Variants in USP47 observed in about 807,000 individuals in gnomAD.
USP47 encodes ubiquitin carboxyl-terminal hydrolase 47.
A neutral mutation model predicts 165.1 loss-of-function variants in USP47; 35 were observed. That is an observed-to-expected ratio of 0.21 (90% CI 0.16 to 0.28). USP47 has a LOEUF of 0.28. Among genes scored for constraint, USP47 ranks in the 10% least tolerant of loss-of-function variants. USP47 has a pLI of 1.00. For synonymous variants in USP47, 531 were observed against 544.5 expected, an observed-to-expected ratio of 0.98 and a Z score of 0.35; for missense variants, 1,277 against 1,607.4, an observed-to-expected ratio of 0.79 and a Z score of 3.52.
chr11:11,854,571 C>T (rs780126456), intron 1 of USP47, among the ~76,000 whole-genome samples: 3 of 147,372 alleles, frequency 2.0e-5, no homozygotes, highest in Non-Finnish European at 4.6e-5. Context: ...TCTATATCCT[C>T]CCCCAGGGGC....
chr11:11,871,494 T>C (rs1378129268), intron 1 of USP47, among the ~76,000 whole-genome samples: 6 of 73,914 alleles, frequency 8.1e-5, no homozygotes, highest in Non-Finnish European at 1.0e-4. Flanking sequence ...AGAGCGAAAC[T>C]CCCTCTCAAA....
chr11:11,857,962 A>G (rs1849151776), intron 1 of USP47, among the ~76,000 whole-genome samples: 1 of 149,498 alleles, frequency 6.7e-6, no homozygotes, highest in Non-Finnish European at 1.5e-5. Flanking sequence ...TGCATAGGAG[A>G]GTGACCTTTG....
At chr11:11,897,227 A>G (rs1423295888) in intron 4 of USP47, among the ~76,000 whole-genome samples, 2 of 151,674 alleles carry the variant, frequency 1.3e-5, no homozygotes, top group Non-Finnish European at 2.9e-5. Flanking sequence ...ATTATAATCT[A>G]GTTTAATATG....
chr11:11,850,719 T>C (rs963269157), intron 1 of USP47, among the ~76,000 whole-genome samples: 11 of 152,196 alleles, frequency 7.2e-5, no homozygotes, highest in African/African-American at 2.4e-4. Flanking sequence ...CTTAGTCCAT[T>C]TGGGCTGCAA....
At chr11:11,903,232 CTA>C (rs1426936608) in intron 6 of USP47, 29 bp from the exon 7 acceptor site, 1 of 1,587,056 alleles carries the variant, frequency 6.3e-7, no homozygotes, top group Admixed American at 1.7e-5. Context: ...AAGTTTATAG[CTA>C]TTTCTAATTG....
intron 13 of USP47, 54 bp downstream of exon 13, chr11:11,930,174 T>G: frequency 6.7e-7 from 1 of 1,492,150 alleles, no homozygotes; most frequent in Non-Finnish European, 9.3e-7. Context: ...TTATAGCTTC[T>G]CAGTGTTTTT....
intron 1 of USP47, among the ~76,000 whole-genome samples, chr11:11,862,944 T>TAC (rs1472365765): frequency 6.6e-6 from 1 of 152,178 alleles, no homozygotes; most frequent in Non-Finnish European, 1.5e-5. Context: ...ACATACATTG[T>TAC]ACCCTTTAAT....
intron 1 of USP47, among the ~76,000 whole-genome samples, chr11:11,867,506 T>C (rs1215391724): frequency 6.6e-6 from 1 of 152,214 alleles, no homozygotes; most frequent in African/African-American, 2.4e-5. Flanking sequence ...CTGTTAAATT[T>C]TGTGTTTTTA....
intron 1 of USP47, among the ~76,000 whole-genome samples, chr11:11,868,983 T>G (rs1279088655): frequency 6.6e-6 from 1 of 152,172 alleles, no homozygotes; most frequent in African/African-American, 2.4e-5. Flanking sequence ...TTTGCTTTTT[T>G]TTGTAGGTTT....
chr11:11,948,040 T>G lies in USP47; in HGVS notation c.3187T>G (p.Phe1063Val). 1.2e-6 allele frequency: 2 copies of G among 1,613,908 alleles called. No individual in the cohort carries two copies. The highest frequency in any genetic ancestry group is 1.7e-6 in the Non-Finnish European group (2 of 1,179,886). The part of the protein sequence containing the change: ...VGVLSSHFKV[F>V]RVYASNQEFE... ...AGTTTTGTCCTCTCACTTCAAGGTC[T>G]TTCGAGTGTATGCCAGCAATCAAGA... The change falls in exon 21 of 28, where the codon TTT (phenylalanine) becomes GTT (valine). Residue 1063 changes from phenylalanine (F) to valine (V), a missense_variant. Physicochemically the swap from Phe to Val is conservative, Grantham distance 50. Coordinates refer to ENST00000527733, the MANE Select transcript of USP47 (RefSeq NM_001282659.2).
In USP47 at chr11:11,955,608, G is replaced by T. The variant is rs543482977; in HGVS notation, c.3894-393G>T. Among the ~76,000 whole-genome samples, 135 of 152,300 alleles carry T rather than the reference G, an allele frequency of 8.9e-4. 3 individuals are homozygous for T. In the South Asian group the frequency reaches 0.027, roughly 31 times the overall value. ...TAGAGGAAAAAGAATAGTCATTGGA[G>T]CCTCACAAATCTGGGTTCAAAACTA... On this transcript the variant is annotated intron_variant, in intron 27 of 27. Transcript: ENST00000527733.
intron 1 of USP47, among the ~76,000 whole-genome samples, chr11:11,868,251 A>T (rs1590257411): frequency 6.6e-6 from 1 of 152,258 alleles, no homozygotes; most frequent in South Asian, 2.1e-4. Flanking sequence ...CACCACAAGG[A>T]TCCCTCATGT....
chr11:11,881,870 A>G (rs1850854801), intron 2 of USP47, among the ~76,000 whole-genome samples: 1 of 152,002 alleles, frequency 6.6e-6, no homozygotes. Flanking sequence ...GCTTAATATC[A>G]TTGCATTGGG....
chr11:11,863,798 T>C (rs1367883664), intron 1 of USP47, among the ~76,000 whole-genome samples: 1 of 152,196 alleles, frequency 6.6e-6, no homozygotes, highest in Non-Finnish European at 1.5e-5. Context: ...ATTTGGCCAG[T>C]GCGAGCCCTT....
At chr11:11,875,234 T>TAGG (rs1370157080) in intron 1 of USP47, among the ~76,000 whole-genome samples, 2 of 152,218 alleles carry the variant, frequency 1.3e-5, no homozygotes, top group Non-Finnish European at 1.5e-5. Flanking sequence ...ATTTAAATCT[T>TAGG]GATAATTTTG....
At chr11:11,929,042 A>G (rs965967147) in intron 11 of USP47, among the ~76,000 whole-genome samples, 14 of 152,056 alleles carry the variant, frequency 9.2e-5, no homozygotes, top group African/African-American at 2.9e-4. Flanking sequence ...TGTAAAGGAA[A>G]TAGAATTTGA....
chr11:11,926,095 T>C (rs772123583), intron 11 of USP47, among the ~76,000 whole-genome samples: 18 of 152,212 alleles, frequency 1.2e-4, no homozygotes, highest in Non-Finnish European at 2.4e-4. Context: ...GGTTTGCTAG[T>C]ATTTTGTTAA....
Position 11,920,173 on chromosome 11 carries a change from A to T in USP47, c.987A>T (p.Ala329=). 1.2e-6 allele frequency: 2 copies of T among 1,600,186 alleles called. No individual in the cohort carries two copies. The highest frequency in any genetic ancestry group is 2.3e-5 in the South Asian group (2 of 87,952). ...AFASVEEALH[A]FIQPEILDGP... ...CTAACTAGGAAGAAGCATTGCATGC[A>T]TTTATTCAGCCAGAGATTCTGGATG... The change falls in exon 9 of 28, where the codon GCA becomes GCT. Residue 329 remains alanine, a synonymous_variant. Coordinates refer to ENST00000527733, the MANE Select transcript of USP47 (RefSeq NM_001282659.2).
chr11:11,880,967 T>A (rs1850789602), intron 2 of USP47, among the ~76,000 whole-genome samples: 1 of 152,200 alleles, frequency 6.6e-6, no homozygotes, highest in Admixed American at 6.6e-5. Context: ...GACTGCAGTC[T>A]TGTCAGATCT....
Sources: gnomAD v4.1 joint callset for allele counts (sites outside exome capture counted in the v4.1 genomes callset) on GRCh38, gnomAD v4.1.1 for gene constraint, MANE v1.5 for transcripts, NCBI Gene and HGNC (gene_info 2026-07-23, HGNC 2026-07-21) for gene names.